KCTD8: variants seen among roughly 807,000 people sequenced by gnomAD.
The protein encoded by KCTD8 is potassium channel tetramerization domain containing 8.
In KCTD8, 27 loss-of-function variants were observed where a neutral mutation model predicts 31.5. The ratio of observed to expected loss-of-function variants is 0.86; its 90% confidence interval spans 0.63 to 1.18. KCTD8 has a LOEUF of 1.18. Among genes scored for constraint, KCTD8 ranks in the 50% most tolerant of loss-of-function variants. The pLI, the probability that KCTD8 is intolerant of heterozygous loss-of-function variation, is 0.00. For missense variants in KCTD8, 658 were observed against 647.7 expected, an observed-to-expected ratio of 1.02 and a Z score of -0.17; for synonymous variants, 290 against 280.0, an observed-to-expected ratio of 1.04 and a Z score of -0.36.
chr4:44,389,935 T>G (rs1720325376), intron 1 of KCTD8, among the ~76,000 whole-genome samples: 1 of 152,008 alleles, frequency 6.6e-6, no homozygotes. Flanking sequence ...TGTATCTTTT[T>G]TTGAGAATTG....
chr4:44,374,624 T>A (rs993605578), intron 1 of KCTD8, among the ~76,000 whole-genome samples: 5 of 152,156 alleles, frequency 3.3e-5, no homozygotes, highest in Admixed American at 6.5e-5. Context: ...TAGCTCTTGT[T>A]GAAAGTCAGA....
intron 1 of KCTD8, among the ~76,000 whole-genome samples, chr4:44,270,071 G>T (rs2109371590): frequency 6.6e-6 from 1 of 152,118 alleles, no homozygotes; most frequent in South Asian, 2.1e-4. Flanking sequence ...AAATTATGCT[G>T]CTATAAAGAC....
chr4:44,193,103 G>T (rs1448701048), intron 1 of KCTD8, among the ~76,000 whole-genome samples: 4 of 152,010 alleles, frequency 2.6e-5, no homozygotes, highest in African/African-American at 9.7e-5. Flanking sequence ...ACCACTAGTT[G>T]AAAAAGATAA....
At chr4:44,247,286 T>C (rs572073565) in intron 1 of KCTD8, among the ~76,000 whole-genome samples, 41 of 152,082 alleles carry the variant, frequency 2.7e-4, no homozygotes, top group African/African-American at 9.2e-4. Flanking sequence ...CTTAGAACCA[T>C]TTTTGGTGAT....
intron 1 of KCTD8, among the ~76,000 whole-genome samples, chr4:44,238,198 G>C (rs28642794): frequency 0.48 from 73,365 of 151,514 alleles, 17,885 homozygotes; most frequent in East Asian, 0.54. Context: ...AGTTCTCCCC[G>C]CCCTACACTA....
chr4:44,446,397 C>T (rs1430267835), intron 1 of KCTD8, among the ~76,000 whole-genome samples: 2 of 152,202 alleles, frequency 1.3e-5, no homozygotes, highest in Non-Finnish European at 2.9e-5. Context: ...TTGTGTCTGG[C>T]CAAAGGAAAA....
At chr4:44,234,138 C>T (rs1715203195) in intron 1 of KCTD8, among the ~76,000 whole-genome samples, 1 of 152,146 alleles carries the variant, frequency 6.6e-6, no homozygotes, top group Non-Finnish European at 1.5e-5. Flanking sequence ...GAGAGTTACT[C>T]TTACCAACGT....
intron 1 of KCTD8, among the ~76,000 whole-genome samples, chr4:44,236,353 T>C (rs562898098): frequency 3.9e-5 from 6 of 152,280 alleles, no homozygotes; most frequent in African/African-American, 1.2e-4. Context: ...GATGGGTCCA[T>C]GGTTTCTGGC....
At chr4:44,413,932 G>C (rs142827136) in intron 1 of KCTD8, among the ~76,000 whole-genome samples, 1 of 152,080 alleles carries the variant, frequency 6.6e-6, no homozygotes, top group Admixed American at 6.6e-5. Flanking sequence ...TACACTGCTG[G>C]CTTTGATGAC....
rs139890425 is a variant in KCTD8, at chr4:44,398,367, C to A, written c.961+49196G>T. 2.5e-3 allele frequency among the ~76,000 whole-genome samples: 385 copies of A among 152,256 alleles called. 4 individuals carry two copies. In the Middle Eastern group the frequency reaches 0.031, roughly 12 times the overall value. The stretch of plus-strand genomic sequence containing the variant: ...TCCTGAAAGGATTAGATTCTGTATG[C>A]CACTTCTCAGGAGAAATAAAACAAA... On this transcript the variant is annotated intron_variant, in intron 1 of 1. Transcript: ENST00000360029.
In KCTD8 at chr4:44,448,376, C is replaced by G. The variant is rs998240624; in HGVS notation, c.148G>C (p.Val50Leu). 2.1e-5 allele frequency: 34 copies of G among 1,590,860 alleles called. No homozygotes were observed. The highest frequency in any genetic ancestry group is 2.5e-5 in the Non-Finnish European group (29 of 1,169,992). ...TTGGTCACATAAACCTGGCCGCCTA[C>G]GTTCAGCTCCACTACTTCAGGGAAG... ...SPFPEVVELNVGGQVYVTKHS... is the reference protein window; with the variant it reads ...SPFPEVVELNLGGQVYVTKHS... Residue 50 changes from valine (V) to leucine (L), a missense_variant, in exon 1 of 2, where the codon GTA (valine) becomes CTA (leucine). By Grantham distance (32) the Val-to-Leu change is conservative. Transcript: ENST00000360029. This position sits in a 1 kb window ranked among gnomAD's most constrained non-coding sequence, Gnocchi z 4.1.
At chr4:44,336,709 G>A (rs1718755567) in intron 1 of KCTD8, among the ~76,000 whole-genome samples, 1 of 151,922 alleles carries the variant, frequency 6.6e-6, no homozygotes, top group African/African-American at 2.4e-5. Context: ...CTCTGTACCA[G>A]TAACAGTTAG....
intron 1 of KCTD8, among the ~76,000 whole-genome samples, chr4:44,255,806 T>C (rs1386570789): frequency 1.3e-5 from 2 of 151,940 alleles, no homozygotes; most frequent in African/African-American, 4.8e-5. Context: ...AAACATAAGA[T>C]AACATCTCTA....
At chr4:44,251,299 A>AT (rs1715824119) in intron 1 of KCTD8, among the ~76,000 whole-genome samples, 2 of 151,650 alleles carry the variant, frequency 1.3e-5, no homozygotes, top group Admixed American at 6.6e-5. Context: ...GGACTTGTCT[A>AT]TTTTTGTCCC....
At chr4:44,414,420 A>G (rs1042395489) in intron 1 of KCTD8, among the ~76,000 whole-genome samples, 1 of 152,124 alleles carries the variant, frequency 6.6e-6, no homozygotes, top group South Asian at 2.1e-4. Flanking sequence ...GATTTCCAGG[A>G]TGCAAAATAG....
chr4:44,310,803 G>T (rs550671599), intron 1 of KCTD8, among the ~76,000 whole-genome samples: 2 of 152,156 alleles, frequency 1.3e-5, no homozygotes, highest in African/African-American at 4.8e-5. Context: ...TTAGTCTATG[G>T]TATAAGAAAT....
intron 1 of KCTD8, among the ~76,000 whole-genome samples, chr4:44,262,060 C>G (rs1290856967): frequency 1.3e-5 from 2 of 151,964 alleles, no homozygotes; most frequent in Middle Eastern, 3.2e-3. Context: ...AATAGAAGAA[C>G]AAGAGACCTA....
chr4:44,236,381 T>A (rs560593073), intron 1 of KCTD8, among the ~76,000 whole-genome samples: 2 of 152,150 alleles, frequency 1.3e-5, no homozygotes, highest in South Asian at 2.1e-4. Flanking sequence ...TGCATAGTGG[T>A]TGTGGCATGC....
At chr4:44,267,044 CT>C (rs1242697521) in intron 1 of KCTD8, among the ~76,000 whole-genome samples, 1 of 152,146 alleles carries the variant, frequency 6.6e-6, no homozygotes. Flanking sequence ...CCAAGCAGAC[CT>C]AATAGACATC....
Sources: allele counts gnomAD v4.1 joint callset (sites outside exome capture counted in the v4.1 genomes callset), GRCh38; gene constraint gnomAD v4.1.1; non-coding constraint Gnocchi (gnomAD v3.1); transcripts MANE v1.5; gene names NCBI Gene and HGNC (gene_info 2026-07-23, HGNC 2026-07-21).